CMYA5: variants seen among roughly 807,000 people sequenced by gnomAD.
The protein encoded by CMYA5 is cardiomyopathy associated 5, also known as cardiomyopathy-associated protein 5.
In CMYA5, 246 loss-of-function variants were observed where a neutral mutation model predicts 318.9. The observed-to-expected ratio is 0.77, with a 90% CI of 0.70 to 0.86. The LOEUF is 0.86. Among genes scored for constraint, CMYA5 ranks in the 40% least tolerant of loss-of-function variants. The pLI is 0.00. For missense variants in CMYA5, 4,589 were observed against 4,678.2 expected, an observed-to-expected ratio of 0.98 and a Z score of 0.56; for synonymous variants, 1,641 against 1,729.5, an observed-to-expected ratio of 0.95 and a Z score of 1.27.
At chr5:79,760,126 T>C (rs1299094285) in intron 7 of CMYA5, among the ~76,000 whole-genome samples, 1 of 152,196 alleles carries the variant, frequency 6.6e-6, no homozygotes, top group East Asian at 1.9e-4. Flanking sequence ...TCTCCATCTA[T>C]TTCTAGCTCT....
At chr5:79,742,563 C>T (rs938566249) in intron 2 of CMYA5, among the ~76,000 whole-genome samples, 1 of 152,154 alleles carries the variant, frequency 6.6e-6, no homozygotes, top group Non-Finnish European at 1.5e-5. Context: ...TAAGGGCAGG[C>T]ATTTGTGCCT....
In CMYA5 at chr5:79,799,741, G is replaced by C; in HGVS notation, c.*125G>C. 1 of 1,295,972 alleles carries C rather than the reference G, an allele frequency of 7.7e-7. No individual in the cohort carries two copies. Among genetic ancestry groups the C allele is most frequent in the Non-Finnish European group, 1.0e-6 (1 of 964,906 alleles). 80.3% of individuals were successfully genotyped at this position (1,295,972 alleles called of 1,614,324 possible). On this transcript the variant is annotated 3_prime_UTR_variant, in exon 13 of 13. Transcript: ENST00000446378. ...GCATTTGCACTAATGATGGCTGCAT[G>C]CATAGCAATCAGCATGTGAGCAAAA...
At chr5:79,727,176 A>G (rs1371624453) in intron 1 of CMYA5, among the ~76,000 whole-genome samples, 3 of 152,252 alleles carry the variant, frequency 2.0e-5, no homozygotes, top group African/African-American at 7.2e-5. Flanking sequence ...TCGGCCTCCC[A>G]AAGTGCTGGG....
At chr5:79,719,406 G>A (rs1185349617) in intron 1 of CMYA5, among the ~76,000 whole-genome samples, 1 of 152,118 alleles carries the variant, frequency 6.6e-6, no homozygotes, top group African/African-American at 2.4e-5. Flanking sequence ...CAGGAAACAG[G>A]AATTTTTGGC....
chr5:79,698,361 A>C (rs1444192166), intron 1 of CMYA5, among the ~76,000 whole-genome samples: 1 of 152,162 alleles, frequency 6.6e-6, no homozygotes, highest in Non-Finnish European at 1.5e-5. Context: ...CAAGATTATC[A>C]TCCTGGCTGT....
At chr5:79,777,382 G>C (rs1175156640) in intron 9 of CMYA5, among the ~76,000 whole-genome samples, 2 of 152,050 alleles carry the variant, frequency 1.3e-5, no homozygotes, top group Admixed American at 6.6e-5. Context: ...ACAAATGGTA[G>C]CATACTATAT....
rs1483101570 is a variant in CMYA5 at position 79,732,397 on chromosome 5, C to T, written c.3632C>T (p.Pro1211Leu). 1.2e-6 allele frequency: 2 copies of T among 1,613,582 alleles called. No homozygotes were observed. Among genetic ancestry groups the T allele is most frequent in the African/African-American group, 1.3e-5 (1 of 74,908 alleles). ...LSKVRKEEIVPDSQEATAHVS... is the reference protein window; with the variant it reads ...LSKVRKEEIVLDSQEATAHVS... ...AAAGTCAGAAAGGAAGAAATTGTGC[C>T]TGATTCTCAAGAAGCTACAGCACAT... is the stretch of plus-strand genomic sequence containing the variant. Residue 1211 changes from proline to leucine, a missense_variant, in exon 2 of 13, where the codon CCT becomes CTT. By Grantham distance (98) the Pro-to-Leu change is moderately conservative (BLOSUM62 -3). Coordinates refer to ENST00000446378, the MANE Select transcript of CMYA5 (RefSeq NM_153610.5).
At chr5:79,767,280 G>GT (rs1294306306) in intron 9 of CMYA5, among the ~76,000 whole-genome samples, 1 of 152,022 alleles carries the variant, frequency 6.6e-6, no homozygotes, top group African/African-American at 2.4e-5. Context: ...TTTTTGAAGG[G>GT]TTTTTTCATG....
intron 1 of CMYA5, among the ~76,000 whole-genome samples, chr5:79,712,974 A>G (rs58902395): frequency 0.045 from 6,814 of 152,214 alleles, 496 homozygotes; most frequent in African/African-American, 0.15. Context: ...CTCTGTGCTA[A>G]TATTCAGTAG....
At chr5:79,751,358 C>T (rs1207065928) in intron 5 of CMYA5, among the ~76,000 whole-genome samples, 1 of 152,116 alleles carries the variant, frequency 6.6e-6, no homozygotes, top group Non-Finnish European at 1.5e-5. Context: ...GGTTCATACC[C>T]TTCTTCTATC....
In CMYA5 at chr5:79,735,768, A is replaced by G. The variant is rs756557718; in HGVS notation, c.7003A>G (p.Ile2335Val). The G allele has an allele frequency of 5.1e-6, 8 of 1,571,650 alleles. No homozygotes were observed. The East Asian group carries it at 6.7e-5, about 13-fold the overall frequency. Reference sequence around the variant, plus strand: ...ATTGGTTATGGAAGAAGCCAAAACTATTGTTCCTCCTCATGTTACTGATAG... The same window carrying G: ...ATTGGTTATGGAAGAAGCCAAAACTGTTGTTCCTCCTCATGTTACTGATAG... ...EKLVMEEAKT[I>V]VPPHVTDSKR... is the part of the protein sequence containing the mutation. The change falls in exon 2 of 13, where the codon ATT (isoleucine) becomes GTT (valine). Residue 2335 changes from isoleucine to valine, a missense_variant. Physicochemically the swap from Ile to Val is conservative, Grantham distance 29. Coordinates refer to ENST00000446378, the MANE Select transcript of CMYA5 (RefSeq NM_153610.5).
At chr5:79,787,212 C>A (rs1829097454) in intron 9 of CMYA5, among the ~76,000 whole-genome samples, 1 of 152,084 alleles carries the variant, frequency 6.6e-6, no homozygotes, top group Admixed American at 6.5e-5. Flanking sequence ...TCACTTTTCC[C>A]CTTCCCACCC....
At chr5:79,709,582 T>G (rs1827342607) in intron 1 of CMYA5, among the ~76,000 whole-genome samples, 1 of 152,034 alleles carries the variant, frequency 6.6e-6, no homozygotes, top group African/African-American at 2.4e-5. Context: ...GATGAAAAGC[T>G]CATTGATTTT....
intron 9 of CMYA5, among the ~76,000 whole-genome samples, chr5:79,764,442 G>A (rs887384467): frequency 2.0e-5 from 3 of 152,076 alleles, no homozygotes; most frequent in East Asian, 1.9e-4. Flanking sequence ...GAATAGTGCC[G>A]CAATAAACAT....
chr5:79,766,783 T>G (rs1358777294), intron 9 of CMYA5, among the ~76,000 whole-genome samples: 1 of 152,164 alleles, frequency 6.6e-6, no homozygotes, highest in Non-Finnish European at 1.5e-5. Context: ...TGTTGTGTCT[T>G]TGCCAAGTTT....
Position 79,793,581 on chromosome 5 carries a change from A to G in CMYA5, c.11934A>G (p.Ser3978=), listed in dbSNP as rs1829219579. The part of the protein sequence containing the change: ...QAGALGQGET[S]WYMHCSEPQR... ...GTGCCCTAGGACAAGGGGAGACCTC[A>G]TGGTACATGCACTGCTCTGAGCCAC... The change falls in exon 12 of 13, where the codon TCA becomes TCG. Residue 3978 remains serine (S), a synonymous_variant. Transcript: ENST00000446378. 5.6e-6 allele frequency: 9 copies of G among 1,613,394 alleles called. No individual in the cohort carries two copies. The East Asian group carries it at 1.6e-4, about 28-fold the overall frequency.
At chr5:79,713,437 G>A (rs971253227) in intron 1 of CMYA5, among the ~76,000 whole-genome samples, 16 of 152,068 alleles carry the variant, frequency 1.1e-4, no homozygotes, top group Non-Finnish European at 4.4e-5. Flanking sequence ...ACTAAGCTAT[G>A]TAACAATGCT....
chr5:79,797,672 A>G (rs1168350452), intron 12 of CMYA5, among the ~76,000 whole-genome samples: 1 of 152,124 alleles, frequency 6.6e-6, no homozygotes, highest in Non-Finnish European at 1.5e-5. Flanking sequence ...CTTTAATTTT[A>G]ATGGAAGTGG....
chr5:79,704,537 A>T (rs1381918697), intron 1 of CMYA5, among the ~76,000 whole-genome samples: 1 of 152,112 alleles, frequency 6.6e-6, no homozygotes, highest in East Asian at 1.9e-4. Flanking sequence ...GTTCTCTTGG[A>T]TATAGATATT....
Sources: allele counts gnomAD v4.1 joint callset (sites outside exome capture counted in the v4.1 genomes callset), GRCh38; gene constraint gnomAD v4.1.1; transcripts MANE v1.5; gene names NCBI Gene and HGNC (gene_info 2026-07-23, HGNC 2026-07-21).